GIGYF2: variants seen among roughly 807,000 people sequenced by gnomAD.
GIGYF2 encodes the protein GRB10 interacting GYF protein 2.
GIGYF2 carries 25 observed loss-of-function variants against 208.1 expected under a neutral mutation model. That is an observed-to-expected ratio of 0.12 (90% CI 0.09 to 0.17). The LOEUF is 0.17. Among genes scored for constraint, GIGYF2 ranks in the 10% least tolerant of loss-of-function variants. GIGYF2 has a pLI of 1.00. For synonymous variants in GIGYF2, 534 were observed against 543.8 expected (o/e 0.98, Z 0.25); for missense variants, 1,302 against 1,579.4 (o/e 0.82, Z 2.98).
chr2:232,743,308 A>G (rs1698037125), intron 3 of GIGYF2, among the ~76,000 whole-genome samples: 1 of 152,210 alleles, frequency 6.6e-6, no homozygotes, highest in South Asian at 2.1e-4. Context: ...AAATGGCTGT[A>G]TCAAAAGTTT....
intron 15 of GIGYF2, among the ~76,000 whole-genome samples, chr2:232,808,878 A>G (rs563056021): frequency 5.5e-4 from 83 of 152,220 alleles, no homozygotes; most frequent in African/African-American, 1.9e-3. Context: ...CAACAGAAAC[A>G]GTTTATTTTG....
At chr2:232,818,458 G>A (rs1559454730) in intron 20 of GIGYF2, among the ~76,000 whole-genome samples, 1 of 152,176 alleles carries the variant, frequency 6.6e-6, no homozygotes, top group Non-Finnish European at 1.5e-5. Flanking sequence ...TGTATGTGGT[G>A]TGAGATGAGG....
intron 2 of GIGYF2, among the ~76,000 whole-genome samples, chr2:232,730,897 CAAAAAAAAAAAA>C (rs34491260): frequency 9.7e-5 from 5 of 51,572 alleles, no homozygotes; most frequent in Admixed American, 2.5e-4. Context: ...GACTCCGTCT[CAAAAAAAAAAAA>C]AAAAAAAAAA....
chr2:232,768,172 A>G (rs1453915674), intron 8 of GIGYF2: 1 of 1,613,316 alleles, frequency 6.2e-7, no homozygotes, highest in East Asian at 2.2e-5. Context: ...TATTTAATAC[A>G]TTAAAAAATG....
At chr2:232,835,614 A>AT (rs1181965171) in intron 22 of GIGYF2, among the ~76,000 whole-genome samples, 12 of 151,586 alleles carry the variant, frequency 7.9e-5, no homozygotes, top group Admixed American at 7.9e-4. Flanking sequence ...TCCCAGCTTG[A>AT]TTTTCTTACT....
chr2:232,821,125 C>G (rs111923841), intron 21 of GIGYF2, among the ~76,000 whole-genome samples: 1,906 of 152,248 alleles, frequency 0.013, 35 homozygotes, highest in Middle Eastern at 0.054. Flanking sequence ...TTTTTGCTTT[C>G]TTGACAGTGT....
At position 232,784,386 on chromosome 2, in the gene GIGYF2, C is replaced by CTTTTTTTTTTTTTTTT. The variant is rs10645449; in HGVS notation, c.533-2758_533-2743dup. 5.4e-4 allele frequency among the ~76,000 whole-genome samples: 50 copies of CTTTTTTTTTTTTTTTT among 92,312 alleles called. 5 individuals carry two copies. The highest frequency in any genetic ancestry group is 7.7e-4 in the Non-Finnish European group (38 of 49,048). 60.6% of individuals were successfully genotyped at this position (92,312 alleles called of 152,430 possible). A position where few individuals can be genotyped will look rare whatever the true frequency, so the allele number is the denominator to read the frequency against. ...TCTAGCTACTTACACGAAATAATTT[C>CTTTTTTTTTTTTTTTT]TTTTTTTTTTTTTTTTTTTTTGAGA... is the stretch of plus-strand genomic sequence containing the variant. On this transcript the variant is annotated intron_variant, in intron 8 of 28. Transcript: ENST00000373563.
At chr2:232,853,049 T>C (rs996077440) in intron 28 of GIGYF2, among the ~76,000 whole-genome samples, 1 of 152,212 alleles carries the variant, frequency 6.6e-6, no homozygotes, top group Non-Finnish European at 1.5e-5. Context: ...GTTATGAAAA[T>C]TACTGCTCAC....
In GIGYF2 at chr2:232,787,196, G is replaced by A. The variant is rs150240543; in HGVS notation, c.579G>A (p.Lys193=). Residue 193 remains lysine, a synonymous_variant, in exon 9 of 29, where the codon AAG becomes AAA. Coordinates refer to ENST00000373563, the MANE Select transcript of GIGYF2 (RefSeq NM_001103146.3). ...GTGGACCAACATCAGTAGGGAGAAA[G>A]CATGAATTTATACGCTCAGAAAGTG... ...EEGGPTSVGR[K]HEFIRSESEN... is the part of the protein sequence containing the mutation. 4.0e-5 allele frequency: 65 copies of A among 1,613,936 alleles called. No individual in the cohort carries two copies. In the African/African-American group the frequency reaches 5.6e-4, roughly 14 times the overall value.
chr2:232,724,304 C>T (rs765422055), intron 2 of GIGYF2, among the ~76,000 whole-genome samples: 15 of 150,986 alleles, frequency 9.9e-5, no homozygotes, highest in Non-Finnish European at 2.2e-4. Context: ...GTGATCCACC[C>T]ATCTTGGCCT....
At chr2:232,728,363 A>C (rs958454884) in intron 2 of GIGYF2, among the ~76,000 whole-genome samples, 2 of 152,248 alleles carry the variant, frequency 1.3e-5, no homozygotes, top group African/African-American at 4.8e-5. Context: ...CTTGAGGCCC[A>C]GTCAGGGAAG....
chr2:232,768,368 C>T lies in GIGYF2; in HGVS notation c.532+6932C>T, dbSNP rs980892735. 3.7e-6 allele frequency: 6 copies of T among 1,614,026 alleles called. No individual in the cohort carries two copies. In the African/African-American group the frequency reaches 8.0e-5, roughly 22 times the overall value. ...ATTCACCTTTGGAACCTCGGGTCAA[C>T]AGAGATGCAAAACAGTGATGTAACA... On this transcript the variant is annotated intron_variant, in intron 8 of 28. Coordinates refer to ENST00000373563, the MANE Select transcript of GIGYF2 (RefSeq NM_001103146.3).
chr2:232,803,687 T>TAA (rs200170338), intron 14 of GIGYF2, among the ~76,000 whole-genome samples: 1 of 14,788 alleles, frequency 6.8e-5, no homozygotes, highest in Non-Finnish European at 1.1e-4. Flanking sequence ...TTTTTTTTTT[T>TAA]TTTTTTTTTT....
chr2:232,723,229 T>C (rs913811975), intron 2 of GIGYF2, among the ~76,000 whole-genome samples: 2 of 152,184 alleles, frequency 1.3e-5, no homozygotes, highest in African/African-American at 4.8e-5. Flanking sequence ...AGGAGCAGTT[T>C]TTGTTTCTGT....
intron 18 of GIGYF2, among the ~76,000 whole-genome samples, chr2:232,814,574 C>G (rs967671956): frequency 7.4e-6 from 1 of 135,056 alleles, no homozygotes; most frequent in African/African-American, 2.7e-5. Flanking sequence ...AACCCCCCCC[C>G]CCCAAAAAAA....
intron 1 of GIGYF2, among the ~76,000 whole-genome samples, chr2:232,699,739 A>G (rs906685239): frequency 6.6e-6 from 1 of 152,228 alleles, no homozygotes; most frequent in Non-Finnish European, 1.5e-5. Context: ...GGAACATACC[A>G]GGAAGAAAGG....
At chr2:232,793,130 G>A (rs914013968) in intron 12 of GIGYF2, among the ~76,000 whole-genome samples, 1 of 152,032 alleles carries the variant, frequency 6.6e-6, no homozygotes, top group African/African-American at 2.4e-5. Flanking sequence ...TGAAGAAGTG[G>A]GACTGATCCA....
At position 232,759,160 on chromosome 2, in the gene GIGYF2, A is replaced by G. The variant is rs565002764; in HGVS notation, c.380-1320A>G. On this transcript the variant is annotated intron_variant, in intron 6 of 28. Transcript: ENST00000373563. ...TAAAAGTACAAGTGTATTCTGAGTT[A>G]ATTCTTGATAAATTACAAACAAGAA... Among the ~76,000 whole-genome samples the G allele has an allele frequency of 3.2e-3, 486 of 152,340 alleles. 1 individual carries two copies. Among genetic ancestry groups the G allele is most frequent in the Admixed American group, 5.6e-3 (85 of 15,300 alleles).
intron 8 of GIGYF2, chr2:232,765,675 A>G (rs954391444): frequency 5.3e-6 from 1 of 189,112 alleles, no homozygotes; most frequent in Non-Finnish European, 1.1e-5. Context: ...AGGATTATTA[A>G]AAAATAATCC....
Sources: gnomAD v4.1 joint callset for allele counts (sites outside exome capture counted in the v4.1 genomes callset) on GRCh38, gnomAD v4.1.1 for gene constraint, MANE v1.5 for transcripts, NCBI Gene and HGNC (gene_info 2026-07-23, HGNC 2026-07-21) for gene names.